The following KAZN variants were observed in gnomAD, a reference collection of about 807,000 sequenced individuals.
KAZN encodes kazrin, periplakin interacting protein, also known as kazrin.
In KAZN, 40 loss-of-function variants were observed where a neutral mutation model predicts 87.4. The ratio of observed to expected loss-of-function variants is 0.46; its 90% CI spans 0.36 to 0.60. The LOEUF is 0.60. Among genes scored for constraint, KAZN ranks in the 20% least tolerant of loss-of-function variants. KAZN has a pLI of 0.00. For synonymous variants in KAZN, 466 were observed against 458.3 expected (o/e 1.02, Z -0.22); for missense variants, 898 against 1,073.9 (o/e 0.84, Z 2.29).
At chr1:14,837,874 A>G (rs912138154) in intron 1 of KAZN, among the ~76,000 whole-genome samples, 2 of 152,198 alleles carry the variant, frequency 1.3e-5, no homozygotes, top group Admixed American at 1.3e-4. Flanking sequence ...TTGTGTGAAT[A>G]TAAAACGGTT....
At chr1:14,800,788 G>A (rs1402096769) in intron 1 of KAZN, among the ~76,000 whole-genome samples, 2 of 152,164 alleles carry the variant, frequency 1.3e-5, no homozygotes, top group African/African-American at 2.4e-5. Flanking sequence ...AAGACTACAC[G>A]TTGTATGATT....
In KAZN at chr1:13,978,918, C is replaced by T. The variant is rs113875399; in HGVS notation, c.91+85162C>T. On this transcript the variant is annotated intron_variant, in intron 1 of 16. Coordinates refer to the KAZN transcript ENST00000636203. ...GAGCTCAAGACCAGCCTGGGCAACACAGGGAGACCCTGTATCTACAAAAAC... is the reference window on the plus strand; with the variant it reads ...GAGCTCAAGACCAGCCTGGGCAACATAGGGAGACCCTGTATCTACAAAAAC... Among the ~76,000 whole-genome samples the T allele has an allele frequency of 5.1e-3, 779 of 151,548 alleles. 2 individuals are homozygous for T. Among genetic ancestry groups the T allele is most frequent in the African/African-American group, 0.016 (661 of 41,316 alleles).
chr1:13,907,553 C>T (rs2100857245), intron 1 of KAZN, among the ~76,000 whole-genome samples: 2 of 152,150 alleles, frequency 1.3e-5, no homozygotes, highest in East Asian at 3.9e-4. Flanking sequence ...ACTAGGCTGG[C>T]ATTATCTGGT....
intron 2 of KAZN, among the ~76,000 whole-genome samples, chr1:14,404,979 A>G (rs980929692): frequency 9.8e-5 from 15 of 152,292 alleles, no homozygotes; most frequent in African/African-American, 3.6e-4. Context: ...CTGGAATTCT[A>G]TGCCTTTGTG....
intron 4 of KAZN, among the ~76,000 whole-genome samples, chr1:15,051,390 T>C (rs1207776315): frequency 6.6e-6 from 1 of 152,242 alleles, no homozygotes; most frequent in East Asian, 1.9e-4. Context: ...TCCTGCCTCA[T>C]GGGTCTCACT....
chr1:14,010,688 G>A (rs1198266694), intron 1 of KAZN, among the ~76,000 whole-genome samples: 1 of 152,176 alleles, frequency 6.6e-6, no homozygotes, highest in Admixed American at 6.5e-5. Flanking sequence ...TGTTTTGAAA[G>A]GTATGCTTTG....
chr1:15,103,522 T>TGCAAATCAC lies in KAZN; in HGVS notation c.1881+62_1881+63insGCAAATCAC, dbSNP rs1175549337. On this transcript the variant is annotated intron_variant, in intron 12 of 14. Coordinates refer to ENST00000376030, the MANE Select transcript of KAZN (RefSeq NM_201628.3). ...CATACACAAACCCCATGCAAATCTA[T>TGCAAATCAC]ATGCAAATCAATATGCAAATCACAT... 1,951 of 997,494 alleles carry TGCAAATCAC rather than the reference T, an allele frequency of 2.0e-3. 63 individuals carry two copies. The African/African-American group carries it at 0.028, about 14-fold the overall frequency. 61.8% of individuals were successfully genotyped at this position (997,494 alleles called of 1,614,324 possible). A position where few individuals can be genotyped will look rare whatever the true frequency, so the allele number is the denominator to read the frequency against.
intron 2 of KAZN, among the ~76,000 whole-genome samples, chr1:14,483,163 T>G (rs986393292): frequency 1.3e-5 from 2 of 152,194 alleles, no homozygotes; most frequent in African/African-American, 4.8e-5. Flanking sequence ...ATCTCAAATC[T>G]GATTTATCTT....
chr1:14,729,007 C>G (rs113819202), intron 1 of KAZN, among the ~76,000 whole-genome samples: 63 of 152,212 alleles, frequency 4.1e-4, no homozygotes, highest in African/African-American at 1.4e-3. Flanking sequence ...GGGAAGCTGC[C>G]GTTTCTTGAG....
At chr1:14,084,812 T>G (rs1557462700) in intron 1 of KAZN, among the ~76,000 whole-genome samples, 1 of 151,864 alleles carries the variant, frequency 6.6e-6, no homozygotes, top group Non-Finnish European at 1.5e-5. Flanking sequence ...CACACCAACA[T>G]GGCACACGTA....
chr1:14,507,756 T>C (rs1346000737), intron 2 of KAZN, among the ~76,000 whole-genome samples: 1 of 152,146 alleles, frequency 6.6e-6, no homozygotes, highest in East Asian at 1.9e-4. Context: ...CACCTCATTC[T>C]GATCTCCCAC....
intron 1 of KAZN, among the ~76,000 whole-genome samples, chr1:14,035,656 T>TG (rs1641524862): frequency 6.7e-6 from 1 of 150,130 alleles, no homozygotes; most frequent in Non-Finnish European, 1.5e-5. Flanking sequence ...TTTTTTTTTT[T>TG]GTAGAGATGG....
chr1:14,747,468 G>A (rs558589869), intron 1 of KAZN, among the ~76,000 whole-genome samples: 10 of 152,106 alleles, frequency 6.6e-5, no homozygotes, highest in Non-Finnish European at 1.3e-4. Flanking sequence ...ATAGAGACGG[G>A]GTTTCACCAT....
intron 2 of KAZN, among the ~76,000 whole-genome samples, chr1:14,364,009 G>A (rs574952828): frequency 6.6e-6 from 1 of 151,212 alleles, no homozygotes; most frequent in African/African-American, 2.4e-5. Flanking sequence ...AGATATAGCA[G>A]GTAATGTTTC....
intron 1 of KAZN, among the ~76,000 whole-genome samples, chr1:14,695,841 C>T (rs193228433): frequency 2.8e-4 from 42 of 152,064 alleles, no homozygotes; most frequent in African/African-American, 9.6e-4. Flanking sequence ...CCCTCACTGG[C>T]CATAGCTTTT....
At chr1:13,925,178 C>T (rs777946914) in intron 1 of KAZN, among the ~76,000 whole-genome samples, 4 of 152,174 alleles carry the variant, frequency 2.6e-5, no homozygotes, top group Non-Finnish European at 4.4e-5. Flanking sequence ...TCATAGATTA[C>T]GTGGTCTTTT....
At chr1:13,893,743 A>G (rs1358034931) in exon 1 of KAZN, 1 of 1,550,552 alleles carries the variant, frequency 6.4e-7, no homozygotes, top group Non-Finnish European at 8.7e-7. Flanking sequence ...AGCAGTGCCA[A>G]CTTATGCAAG....
rs1458194616 is a variant in KAZN at position 15,099,419 on chromosome 1, T to G, written c.1548-2124T>G. ...TGATTAGAGCTTTGAAGGAAAGCAC[T>G]AGGGACAGTAAGCAGACTTGGGGGC... is the stretch of plus-strand genomic sequence containing the variant. On this transcript the variant is annotated intron_variant, in intron 10 of 14. Transcript: ENST00000376030. The surrounding 1 kb of genome is among the most constrained non-coding windows in gnomAD (Gnocchi z 5.4). 6.6e-6 allele frequency among the ~76,000 whole-genome samples: 1 copy of G among 152,094 alleles called. No homozygotes were observed. Among genetic ancestry groups the G allele is most frequent in the Non-Finnish European group, 1.5e-5 (1 of 68,020 alleles).
rs1189307217 is a variant in KAZN at position 15,081,449 on chromosome 1, T to C, written c.1223-12731T>C. On this transcript the variant is annotated intron_variant, in intron 8 of 14. Transcript: ENST00000376030. The surrounding 1 kb of genome is among the most constrained non-coding windows in gnomAD (Gnocchi z 4.1). The stretch of plus-strand genomic sequence containing the variant: ...CAAAACCAGGCCCAGCGCCTGCTCA[T>C]GTGCAGTTTATGGTCTGGTGGGAGA... Among the ~76,000 whole-genome samples, 1 of 152,216 alleles carries C rather than the reference T, an allele frequency of 6.6e-6. No homozygotes were observed. Among genetic ancestry groups the C allele is most frequent in the Non-Finnish European group, 1.5e-5 (1 of 68,042 alleles).
Sources: gnomAD v4.1 joint callset for allele counts (sites outside exome capture counted in the v4.1 genomes callset) on GRCh38, gnomAD v4.1.1 for gene constraint, Gnocchi (gnomAD v3.1) non-coding constraint, MANE v1.5 for transcripts, NCBI Gene and HGNC (gene_info 2026-07-23, HGNC 2026-07-21) for gene names.